The following WDR25 variants were observed in gnomAD, a reference collection of about 807,000 sequenced individuals.
WDR25 encodes WD repeat-containing protein 25.
A neutral mutation model predicts 47.7 loss-of-function variants in WDR25; 35 were observed. The ratio of observed to expected loss-of-function variants is 0.73; its 90% confidence interval spans 0.56 to 0.97. The LOEUF (loss-of-function observed/expected upper bound fraction) is 0.97. Ranked by LOEUF, WDR25 falls within the 50% of genes least tolerant of loss-of-function variation. The pLI, the probability that WDR25 is intolerant of heterozygous loss-of-function variation, is 0.00. For synonymous variants in WDR25, 248 were observed against 278.9 expected (o/e 0.89, Z 1.10); for missense variants, 634 against 704.7 (o/e 0.90, Z 1.14).
At chr14:100,422,796 T>G (rs1481550905) in intron 2 of WDR25, among the ~76,000 whole-genome samples, 1 of 152,258 alleles carries the variant, frequency 6.6e-6, no homozygotes. Flanking sequence ...TTAATTTGCC[T>G]GCCCACTGGC....
chr14:100,481,919 G>A (rs7492299), intron 3 of WDR25, among the ~76,000 whole-genome samples: 15 of 152,034 alleles, frequency 9.9e-5, no homozygotes, highest in Non-Finnish European at 2.2e-4. Context: ...AGCCTCTTAA[G>A]GACAATTTGC....
At chr14:100,487,538 A>G (rs1476174370) in intron 4 of WDR25, 1 of 152,212 alleles carries the variant, frequency 6.6e-6, no homozygotes, top group Non-Finnish European at 1.5e-5. Flanking sequence ...TGACCTTGGT[A>G]AAGAGAGATG....
intron 4 of WDR25, chr14:100,503,874 GATA>G (rs1901026224): frequency 6.6e-6 from 1 of 152,200 alleles, no homozygotes; most frequent in Admixed American, 6.5e-5. Context: ...AGGCCCAGCT[GATA>G]AGAAGAACTA....
chr14:100,422,684 G>A (rs879386630), intron 2 of WDR25, among the ~76,000 whole-genome samples: 3 of 152,188 alleles, frequency 2.0e-5, no homozygotes, highest in Non-Finnish European at 4.4e-5. Context: ...ACGCCCACCA[G>A]CGTACTGAGC....
intron 2 of WDR25, among the ~76,000 whole-genome samples, chr14:100,457,659 A>G (rs1899248596): frequency 6.6e-6 from 1 of 152,232 alleles, no homozygotes. Flanking sequence ...AATATGTGGG[A>G]AAATGTAAGA....
At position 100,449,607 on chromosome 14, in the gene WDR25, G is replaced by T. The variant is rs1898957073; in HGVS notation, c.823-18414G>T. On this transcript the variant is annotated intron_variant, in intron 2 of 6. Coordinates refer to ENST00000402312, the MANE Select transcript of WDR25 (RefSeq NM_001161476.3). This position sits in a 1 kb window ranked among gnomAD's most constrained non-coding sequence, Gnocchi z 4.2. The stretch of plus-strand genomic sequence containing the variant: ...CTCCACCCAGACTGGGCCTTCAGAA[G>T]GAATTAAGTTGGAGGCCATTAAAAC... 6.6e-6 allele frequency among the ~76,000 whole-genome samples: 1 copy of T among 152,348 alleles called. No homozygotes were observed. The highest frequency in any genetic ancestry group is 1.9e-4 in the East Asian group (1 of 5,184).
intron 2 of WDR25, among the ~76,000 whole-genome samples, chr14:100,439,053 A>T (rs1352323686): frequency 1.3e-5 from 2 of 152,206 alleles, no homozygotes. Flanking sequence ...GGCAAGGAGC[A>T]GTAGGGAGTG....
At position 100,525,974 on chromosome 14, in the gene WDR25, A is replaced by G. The variant is rs112710800; in HGVS notation, c.1206A>G (p.Ser402=). The change falls in exon 5 of 7, where the codon TCA becomes TCG. Residue 402 remains serine (S), a synonymous_variant. Coordinates refer to ENST00000402312, the MANE Select transcript of WDR25 (RefSeq NM_001161476.3). The surrounding 1 kb of genome is among the most constrained non-coding windows in gnomAD (Gnocchi z 4.6). ...LSSTDASTRD[S]ADRTIIAWDF... is the part of the protein sequence containing the mutation. ...GCACAGACGCTTCCACCCGGGACTC[A>G]GCTGACCGCACCATTATTGCCTGGG... 4.6e-4 allele frequency: 742 copies of G among 1,614,080 alleles called. 4 individuals carry two copies. The African/African-American group carries it at 9.1e-3, about 20-fold the overall frequency.
intron 2 of WDR25, among the ~76,000 whole-genome samples, chr14:100,388,572 G>C (rs1467510339): frequency 2.0e-5 from 3 of 152,232 alleles, no homozygotes; most frequent in African/African-American, 7.2e-5. Flanking sequence ...ATGAGATTCT[G>C]AGCTGGAATC....
At chr14:100,459,931 TATATATATACAC>T (rs1193462598) in intron 2 of WDR25, among the ~76,000 whole-genome samples, 54 of 95,548 alleles carry the variant, frequency 5.7e-4, no homozygotes, top group African/African-American at 2.1e-3. Context: ...TATATATATA[TATATATATACAC>T]ATACACATAC....
At chr14:100,448,741 T>C (rs1595098699) in intron 2 of WDR25, among the ~76,000 whole-genome samples, 1 of 151,888 alleles carries the variant, frequency 6.6e-6, no homozygotes, top group South Asian at 2.1e-4. Context: ...ACATTACACA[T>C]AAAAGAACAG....
chr14:100,447,426 C>T (rs1898874516), intron 2 of WDR25, among the ~76,000 whole-genome samples: 1 of 152,218 alleles, frequency 6.6e-6, no homozygotes, highest in South Asian at 2.1e-4. Flanking sequence ...CGTGGGCGTG[C>T]CAGCCTTGCA....
chr14:100,410,515 A>G (rs1478598538), intron 2 of WDR25, among the ~76,000 whole-genome samples: 2 of 152,114 alleles, frequency 1.3e-5, no homozygotes, highest in Non-Finnish European at 2.9e-5. Context: ...ATTTCCTGGG[A>G]AATGGAGAAA....
chr14:100,444,512 T>C (rs964317754), intron 2 of WDR25, among the ~76,000 whole-genome samples: 1 of 151,840 alleles, frequency 6.6e-6, no homozygotes, highest in Non-Finnish European at 1.5e-5. Flanking sequence ...TACCTTTCCA[T>C]GGACACGTCT....
chr14:100,468,213 T>A lies in WDR25; in HGVS notation c.970+45T>A, dbSNP rs770023027. ...TCCCTGAGGTGAGCTGGCAGCTCTC[T>A]CCCTGGGGAAGGTTCTCTGGTGGGC... On this transcript the variant is annotated intron_variant, in intron 3 of 6. Transcript: ENST00000402312. This position sits in a 1 kb window ranked among gnomAD's most constrained non-coding sequence, Gnocchi z 4.5. 4.4e-6 allele frequency: 7 copies of A among 1,585,280 alleles called. No individual in the cohort carries two copies. In the Admixed American group the frequency reaches 1.0e-4, roughly 23 times the overall value.
rs894630034 is a variant in WDR25, at chr14:100,468,725, C to G, written c.970+557C>G. ...GTCAGTGGAAGGAACTTTCCTTACT[C>G]AGCGCTCCTGTGCAACAGGCACTGT... On this transcript the variant is annotated intron_variant, in intron 3 of 6. Coordinates refer to ENST00000402312, the MANE Select transcript of WDR25 (RefSeq NM_001161476.3). This position sits in a 1 kb window ranked among gnomAD's most constrained non-coding sequence, Gnocchi z 4.5. Among the ~76,000 whole-genome samples the G allele has an allele frequency of 3.3e-5, 5 of 152,094 alleles. No individual in the cohort carries two copies. Among genetic ancestry groups the G allele is most frequent in the Non-Finnish European group, 7.4e-5 (5 of 68,020 alleles).
At chr14:100,386,404 G>A (rs1001249798) in intron 2 of WDR25, among the ~76,000 whole-genome samples, 8 of 152,294 alleles carry the variant, frequency 5.3e-5, no homozygotes, top group African/African-American at 1.7e-4. Flanking sequence ...TCTGTAACGT[G>A]TAAGGGGAAT....
At chr14:100,445,205 C>T (rs1898794174) in intron 2 of WDR25, among the ~76,000 whole-genome samples, 1 of 152,202 alleles carries the variant, frequency 6.6e-6, no homozygotes, top group African/African-American at 2.4e-5. Context: ...CATTTCTCTG[C>T]AGCAAAGTCT....
Position 100,470,614 on chromosome 14 carries a change from T to C in WDR25, c.970+2446T>C, listed in dbSNP as rs141895561. 1.8e-3 allele frequency among the ~76,000 whole-genome samples: 279 copies of C among 152,318 alleles called. 2 individuals carry two copies. Among genetic ancestry groups the C allele is most frequent in the African/African-American group, 6.6e-3 (273 of 41,568 alleles). On this transcript the variant is annotated intron_variant, in intron 3 of 6. Coordinates refer to ENST00000402312, the MANE Select transcript of WDR25 (RefSeq NM_001161476.3). ...GCAGCTGGCGGGCAGAGGCCATTGCTGAGTTTGAAGCAGGCAAGAGTCAGG... is the reference window on the plus strand; with the variant it reads ...GCAGCTGGCGGGCAGAGGCCATTGCCGAGTTTGAAGCAGGCAAGAGTCAGG...
Sources: allele counts gnomAD v4.1 joint callset (sites outside exome capture counted in the v4.1 genomes callset), GRCh38; gene constraint gnomAD v4.1.1; non-coding constraint Gnocchi (gnomAD v3.1); transcripts MANE v1.5; gene names NCBI Gene and HGNC (gene_info 2026-07-23, HGNC 2026-07-21).